The following PIK3C3 variants were observed in gnomAD, a reference collection of about 807,000 sequenced individuals.
PIK3C3 encodes the protein phosphatidylinositol 3-kinase catalytic subunit type 3, also known as PI3-kinase type 3.
A neutral mutation model predicts 126.1 loss-of-function variants in PIK3C3; 95 were observed. That is an observed-to-expected ratio of 0.75 (90% CI 0.64 to 0.89). The LOEUF is 0.89. PIK3C3 is among the 40% of genes least tolerant of loss of function. The pLI, the probability that PIK3C3 is intolerant of heterozygous loss-of-function variation, is 0.00. For synonymous variants in PIK3C3, 374 were observed against 360.0 expected, an observed-to-expected ratio of 1.04 and a Z score of -0.44; for missense variants, 829 against 1,063.2, an observed-to-expected ratio of 0.78 and a Z score of 3.06.
intron 24 of PIK3C3, among the ~76,000 whole-genome samples, chr18:42,077,384 A>G (rs1986071304): frequency 6.6e-6 from 1 of 152,218 alleles, no homozygotes; most frequent in African/African-American, 2.4e-5. Context: ...CCCAGAGTAG[A>G]ACTTTTTGCA....
chr18:42,057,927 C>T lies in PIK3C3; in HGVS notation c.2308C>T (p.Pro770Ser). The T allele has an allele frequency of 6.2e-7, 1 of 1,613,734 alleles. No individual in the cohort carries two copies. The highest frequency in any genetic ancestry group is 8.5e-7 in the Non-Finnish European group (1 of 1,179,834). The change falls in exon 22 of 25, where the codon CCA (proline) becomes TCA (serine). Residue 770 changes from proline to serine, a missense_variant. By Grantham distance (74) the Pro-to-Ser change is moderately conservative (BLOSUM62 -1). Transcript: ENST00000262039. ...CTTTGGATATATTTTGGGTCGGGATCCAAAGCCTCTTCCTCCACCAATGAA... is the reference window on the plus strand; with the variant it reads ...CTTTGGATATATTTTGGGTCGGGATTCAAAGCCTCTTCCTCCACCAATGAA... ...IDFGYILGRD[P>S]KPLPPPMKLN...
intron 21 of PIK3C3, among the ~76,000 whole-genome samples, chr18:42,053,616 A>G (rs973743012): frequency 2.0e-5 from 3 of 152,170 alleles, no homozygotes; most frequent in African/African-American, 7.2e-5. Flanking sequence ...CCCAAGAATC[A>G]TTGTCCTTAG....
intron 10 of PIK3C3, among the ~76,000 whole-genome samples, chr18:42,008,514 A>G (rs1293278399): frequency 6.6e-6 from 1 of 152,128 alleles, no homozygotes; most frequent in Non-Finnish European, 1.5e-5. Context: ...TTCTTAATTC[A>G]ATAAGAAATG....
rs144630275 is a variant in PIK3C3 at position 42,059,184 on chromosome 18, A to G, written c.2432+1133A>G. 5.4e-3 allele frequency among the ~76,000 whole-genome samples: 827 copies of G among 152,310 alleles called. 12 individuals carry two copies. The highest frequency in any genetic ancestry group is 0.019 in the African/African-American group (785 of 41,558). ...TACAGTAATGGGGTTTCATTTATGC[A>G]CTGACTAGGTCTTCATTGTAAACTC... On this transcript the variant is annotated intron_variant, in intron 22 of 24. Coordinates refer to ENST00000262039, the MANE Select transcript of PIK3C3 (RefSeq NM_002647.4).
rs548161815 is a variant in PIK3C3 at position 41,996,814 on chromosome 18, A to G, written c.984+84A>G. 5.5e-6 allele frequency: 4 copies of G among 728,378 alleles called. No individual in the cohort carries two copies. In the South Asian group the frequency reaches 7.8e-5, roughly 14 times the overall value. 45.1% of individuals were successfully genotyped at this position (728,378 alleles called of 1,614,324 possible). On this transcript the variant is annotated intron_variant, in intron 9 of 24. Transcript: ENST00000262039. The stretch of plus-strand genomic sequence containing the variant: ...TCAAGATGAGGAAAATGCCATGGAA[A>G]TTGTTATTGTCACTTTAAAGAAAAG...
intron 12 of PIK3C3, among the ~76,000 whole-genome samples, chr18:42,019,867 A>G (rs544239721): frequency 3.3e-5 from 5 of 152,288 alleles, no homozygotes; most frequent in Non-Finnish European, 5.9e-5. Context: ...TTGTGCCATA[A>G]CAAATCAATC....
chr18:42,042,931 A>G (rs1479375691), intron 19 of PIK3C3, among the ~76,000 whole-genome samples: 1 of 152,024 alleles, frequency 6.6e-6, no homozygotes, highest in African/African-American at 2.4e-5. Context: ...TGTATAGGCC[A>G]TTTGTTTCTT....
At chr18:42,018,221 A>G (rs1434951762) in intron 12 of PIK3C3, among the ~76,000 whole-genome samples, 2 of 151,934 alleles carry the variant, frequency 1.3e-5, no homozygotes, top group African/African-American at 4.8e-5. Context: ...TTTTTTCTTT[A>G]AATTGTTTTA....
intron 7 of PIK3C3, among the ~76,000 whole-genome samples, chr18:41,993,743 G>T (rs1981895136): frequency 6.6e-6 from 1 of 152,118 alleles, no homozygotes; most frequent in South Asian, 2.1e-4. Flanking sequence ...ATGCGTGAAA[G>T]TTTTAGGGAG....
chr18:41,986,823 A>G (rs1051975560), intron 4 of PIK3C3, among the ~76,000 whole-genome samples: 1 of 152,088 alleles, frequency 6.6e-6, no homozygotes, highest in African/African-American at 2.4e-5. Flanking sequence ...AGCTAAATTG[A>G]TATTACTTTT....
At position 42,058,045 on chromosome 18, in the gene PIK3C3, T is replaced by A; in HGVS notation, c.2426T>A (p.Leu809Gln). 6.3e-7 allele frequency: 1 copy of A among 1,579,498 alleles called. No homozygotes were observed. Among genetic ancestry groups the A allele is most frequent in the East Asian group, 2.3e-5 (1 of 43,650 alleles). Residue 809 changes from leucine to glutamine, a missense_variant, in exon 22 of 25, where the codon CTG (leucine) becomes CAG (glutamine). This residue lies in a region of PIK3C3 where 196 missense variants were observed against 312.8 expected (regional missense o/e 0.63). Transcript: ENST00000262039. Reference sequence around the variant, plus strand: ...CAGTGTTACACGGCTTTCCTCCACCTGCGAAGGTAAGTTGATTTGCTTGGC... The same window carrying A: ...CAGTGTTACACGGCTTTCCTCCACCAGCGAAGGTAAGTTGATTTGCTTGGC... ...RKQCYTAFLH[L>Q]RRYSNLILNL...
At chr18:42,013,643 C>T in intron 11 of PIK3C3, 47 bp downstream of exon 11, 1 of 1,399,564 alleles carries the variant, frequency 7.1e-7, no homozygotes, top group South Asian at 1.3e-5. Flanking sequence ...TTAATTTTTC[C>T]CTTTTCAAAT....
intron 4 of PIK3C3, among the ~76,000 whole-genome samples, chr18:41,979,906 G>T (rs1339062104): frequency 1.1e-5 from 1 of 92,446 alleles, no homozygotes; most frequent in African/African-American, 4.3e-5. Context: ...ATTATTATTA[G>T]CTATTCTGAA....
chr18:42,083,997 T>C lies in PIK3C3; in HGVS notation c.*2860T>C, dbSNP rs1364669509. The C allele has an allele frequency of 6.6e-6, 1 of 152,182 alleles. No individual in the cohort carries two copies. The highest frequency in any genetic ancestry group is 6.5e-5 in the Admixed American group (1 of 15,272). 9.4% of individuals were successfully genotyped at this position (152,182 alleles called of 1,614,324 possible). On this transcript the variant is annotated 3_prime_UTR_variant, in exon 25 of 25. Transcript: ENST00000262039. ...TTTTCTTATTTTTGGTCATGTTTTATTTTTCCATTGCTTTTAACAGGATTA... is the reference window on the plus strand; with the variant it reads ...TTTTCTTATTTTTGGTCATGTTTTACTTTTCCATTGCTTTTAACAGGATTA...
rs1329852659 is a variant in PIK3C3, at chr18:42,052,692, A to ATATGT, written c.2263+3091_2263+3095dup. 2.0e-5 allele frequency: 3 copies of ATATGT among 152,156 alleles called. No individual in the cohort carries two copies. The East Asian group carries it at 5.8e-4, about 29-fold the overall frequency. 9.4% of individuals were successfully genotyped at this position (152,156 alleles called of 1,614,324 possible). Reference sequence around the variant, plus strand: ...AAAGTGGTTTTAAGTTACATTTCATATATGTTATAAATAGACTTTGTATAG... The same window carrying ATATGT: ...AAAGTGGTTTTAAGTTACATTTCATATATGTTATGTTATAAATAGACTTTGTATAG... On this transcript the variant is annotated intron_variant, in intron 21 of 24. Transcript: ENST00000262039.
At chr18:42,032,802 G>A (rs1426892124) in intron 15 of PIK3C3, among the ~76,000 whole-genome samples, 1 of 152,070 alleles carries the variant, frequency 6.6e-6, no homozygotes, top group Non-Finnish European at 1.5e-5. Flanking sequence ...TAACACTTAT[G>A]TAGAAATTCA....
At chr18:42,066,200 A>G (rs1051455693) in intron 23 of PIK3C3, among the ~76,000 whole-genome samples, 4 of 152,142 alleles carry the variant, frequency 2.6e-5, no homozygotes, top group African/African-American at 9.7e-5. Flanking sequence ...TCTTGTCTTC[A>G]CTTCTTACAT....
chr18:41,967,651 G>C (rs368230054), intron 3 of PIK3C3, among the ~76,000 whole-genome samples: 5 of 152,202 alleles, frequency 3.3e-5, no homozygotes, highest in Non-Finnish European at 7.4e-5. Context: ...ATACTGATTT[G>C]TTAGGGATAA....
intron 16 of PIK3C3, among the ~76,000 whole-genome samples, chr18:42,035,372 G>A (rs191050713): frequency 4.6e-5 from 7 of 152,092 alleles, no homozygotes; most frequent in African/African-American, 1.7e-4. Context: ...GTGCAAAAGA[G>A]TATCTAAGAC....
Sources: gnomAD v4.1 joint callset for allele counts (sites outside exome capture counted in the v4.1 genomes callset) on GRCh38, gnomAD v4.1.1 for gene constraint, gnomAD v4.1.1 regional missense constraint, MANE v1.5 for transcripts, NCBI Gene and HGNC (gene_info 2026-07-23, HGNC 2026-07-21) for gene names.